Variants in ECSIT observed in about 807,000 individuals in gnomAD.
ECSIT encodes ECSIT signaling integrator, also known as evolutionarily conserved signaling intermediate in Toll pathway, mitochondrial.
ECSIT carries 29 observed loss-of-function variants against 36.8 expected under a neutral mutation model. The ratio of observed to expected loss-of-function variants is 0.79; its 90% CI spans 0.59 to 1.08. The LOEUF is 1.08. Ranked by LOEUF, ECSIT falls within the 50% of genes least tolerant of loss-of-function variation. The pLI, the probability that ECSIT is intolerant of heterozygous loss-of-function variation, is 0.00. For synonymous variants in ECSIT, 231 were observed against 234.8 expected (o/e 0.98, Z 0.15); for missense variants, 542 against 581.0 (o/e 0.93, Z 0.69).
Position 11,506,065 on chromosome 19 carries a change from G to A in ECSIT, c.*119C>T, listed in dbSNP as rs1439781552. ...GGGGAGGGGATGCCATACTGCTAGA[G>A]ATGAGGGAAGAGAGCCCCAAGCAGG... On this transcript the variant is annotated 3_prime_UTR_variant, in exon 8 of 8. Transcript: ENST00000270517. The A allele has an allele frequency of 3.4e-6, 5 of 1,480,558 alleles. No homozygotes were observed. Among genetic ancestry groups the A allele is most frequent in the Non-Finnish European group, 4.5e-6 (5 of 1,102,420 alleles). 91.7% of individuals were successfully genotyped at this position (1,480,558 alleles called of 1,614,324 possible).
intron 1 of ECSIT, among the ~76,000 whole-genome samples, chr19:11,521,611 A>G (rs1972105678): frequency 6.6e-6 from 1 of 151,990 alleles, no homozygotes; most frequent in Non-Finnish European, 1.5e-5. Context: ...CTACTAAAAA[A>G]ACAAAAAAAC....
At position 11,513,178 on chromosome 19, in the gene ECSIT, G is replaced by C. The variant is rs376044463; in HGVS notation, c.616C>G (p.Arg206Gly). ...KLVRLKLWFP[R>G]FMNVNPFPVP... The stretch of plus-strand genomic sequence containing the variant: ...GGGAAGGGGTTGACGTTCATGAATC[G>C]AGGGAACCACAGCTTCAGGCGCACC... Residue 206 changes from arginine (R) to glycine (G), a missense_variant, in exon 4 of 8, where the codon CGA becomes GGA. Coordinates refer to ENST00000270517, the MANE Select transcript of ECSIT (RefSeq NM_016581.5). 10 of 1,614,044 alleles carry C rather than the reference G, an allele frequency of 6.2e-6. No individual in the cohort carries two copies. The highest frequency in any genetic ancestry group is 7.6e-6 in the Non-Finnish European group (9 of 1,180,040).
intron 1 of ECSIT, chr19:11,522,057 G>A: frequency 3.1e-6 from 1 of 323,198 alleles, no homozygotes; most frequent in South Asian, 2.8e-5. Context: ...TCTACCACAT[G>A]CGAATCTTTG....
At position 11,508,170 on chromosome 19, in the gene ECSIT, G is replaced by A. The variant is rs59485500; in HGVS notation, c.739-122C>T. 9,180 of 1,206,196 alleles carry A rather than the reference G, an allele frequency of 7.6e-3. 497 individuals carry two copies. In the African/African-American group the frequency reaches 0.12, roughly 16 times the overall value. The allele number at this position is 1,206,196 out of a possible 1,614,324, so 74.7% of individuals were successfully genotyped here. A position where few individuals can be genotyped will look rare whatever the true frequency, so the allele number is the denominator to read the frequency against. ...GACACCTCTCCTGGATCTGGTACAC[G>A]GCCCTCCAACCTGTCCCCTCCTCCC... On this transcript the variant is annotated intron_variant, in intron 4 of 7. Coordinates refer to ENST00000270517, the MANE Select transcript of ECSIT (RefSeq NM_016581.5).
chr19:11,519,125 C>T lies in ECSIT; in HGVS notation c.46G>A (p.Ala16Thr). 1.3e-6 allele frequency: 2 copies of T among 1,551,062 alleles called. No homozygotes were observed. The highest frequency in any genetic ancestry group is 2.4e-5 in the South Asian group (2 of 84,028). Residue 16 changes from alanine to threonine, a missense_variant, in exon 2 of 8, where the codon GCC (alanine) becomes ACC (threonine). By Grantham distance (58) the Ala-to-Thr change is moderately conservative. Coordinates refer to ENST00000270517, the MANE Select transcript of ECSIT (RefSeq NM_016581.5). The surrounding 1 kb of genome is among the most constrained non-coding windows in gnomAD (Gnocchi z 4.4). ...ATLLARGLCR[A>T]WGGTCGAALT... is the part of the protein sequence containing the mutation. ...GCGGCCCCGCAGGTGCCTCCCCAGG[C>T]CCTACAGAGGCCTCGGGCCAGTAGG...
chr19:11,526,848 T>A (rs1444506542), intron 1 of ECSIT, among the ~76,000 whole-genome samples: 3 of 151,522 alleles, frequency 2.0e-5, no homozygotes, highest in Non-Finnish European at 4.4e-5. Flanking sequence ...GCCTCCCGAG[T>A]AGCTGGGACT....
At chr19:11,521,256 T>C (rs1056351075) in intron 1 of ECSIT, among the ~76,000 whole-genome samples, 8 of 152,200 alleles carry the variant, frequency 5.3e-5, no homozygotes, top group African/African-American at 1.7e-4. Flanking sequence ...AAGTTTTATG[T>C]GAACACATGT....
rs1362025351 is a variant in ECSIT, at chr19:11,522,481, C to T, written c.-23-3288G>A. 3 of 1,315,812 alleles carry T rather than the reference C, an allele frequency of 2.3e-6. No homozygotes were observed. The African/African-American group carries it at 4.4e-5, about 19-fold the overall frequency. The allele number at this position is 1,315,812 out of a possible 1,614,324, so 81.5% of individuals were successfully genotyped here. A position where few individuals can be genotyped will look rare whatever the true frequency, so the allele number is the denominator to read the frequency against. On this transcript the variant is annotated intron_variant, in intron 1 of 7. Coordinates refer to ENST00000270517, the MANE Select transcript of ECSIT (RefSeq NM_016581.5). ...CAAGCCACGCTTCACCACCAAAAGG[C>T]CCAACACCTTCTTCTAGGGGTAGGG...
intron 1 of ECSIT, among the ~76,000 whole-genome samples, chr19:11,524,289 C>T (rs1448295738): frequency 1.3e-5 from 2 of 151,794 alleles, no homozygotes; most frequent in Middle Eastern, 3.2e-3. Context: ...TTTGGGAGGC[C>T]GAGGTGGGCA....
chr19:11,515,673 T>C (rs1971984614), intron 2 of ECSIT, among the ~76,000 whole-genome samples: 2 of 151,856 alleles, frequency 1.3e-5, no homozygotes, highest in Admixed American at 6.6e-5. Context: ...CTCGCTCTGT[T>C]GCCAGGCTGG....
At position 11,507,545 on chromosome 19, in the gene ECSIT, C is replaced by A. The variant is rs560236685; in HGVS notation, c.963G>T (p.Pro321=). Residue 321 remains proline (P), a synonymous_variant, in exon 7 of 8, where the codon CCG becomes CCT. Coordinates refer to ENST00000270517, the MANE Select transcript of ECSIT (RefSeq NM_016581.5). The part of the protein sequence containing the change: ...PPEEREVEET[P]EEWNLYYPMQ... Reference sequence around the variant, plus strand: ...TCGGGTAGTAGAGGTTCCACTCCTCCGGCGTCTCTTCCACTTCCTACTCCA... The same window carrying A: ...TCGGGTAGTAGAGGTTCCACTCCTCAGGCGTCTCTTCCACTTCCTACTCCA... 6.2e-7 allele frequency: 1 copy of A among 1,614,098 alleles called. No individual in the cohort carries two copies. The highest frequency in any genetic ancestry group is 1.1e-5 in the South Asian group (1 of 91,082).
At chr19:11,524,102 T>A (rs1972163159) in intron 1 of ECSIT, among the ~76,000 whole-genome samples, 1 of 152,028 alleles carries the variant, frequency 6.6e-6, no homozygotes, top group Middle Eastern at 3.2e-3. Flanking sequence ...ACAATTTTTA[T>A]AGAGGCTGGG....
intron 2 of ECSIT, among the ~76,000 whole-genome samples, chr19:11,516,768 A>C (rs1485031691): frequency 6.6e-6 from 1 of 152,078 alleles, no homozygotes; most frequent in Non-Finnish European, 1.5e-5. Context: ...CTGTAATCCT[A>C]GCACTTTGGG....
Position 11,506,382 on chromosome 19 carries a change from G to C in ECSIT, c.1098C>G (p.Asp366Glu), listed in dbSNP as rs750245223. Residue 366 changes from aspartate to glutamate, a missense_variant, in exon 8 of 8, where the codon GAC becomes GAG. Coordinates refer to ENST00000270517, the MANE Select transcript of ECSIT (RefSeq NM_016581.5). Reference protein sequence around the residue: ...VFAMCMAGAHDQATMAKWIQG... With the variant: ...VFAMCMAGAHEQATMAKWIQG... ...GGATCCACTTAGCCATCGTCGCCTGGTCATGAGCACCCGCCATGCACATGG... is the reference window on the plus strand; with the variant it reads ...GGATCCACTTAGCCATCGTCGCCTGCTCATGAGCACCCGCCATGCACATGG... 6.2e-7 allele frequency: 1 copy of C among 1,613,658 alleles called. No individual in the cohort carries two copies. Among genetic ancestry groups the C allele is most frequent in the Non-Finnish European group, 8.5e-7 (1 of 1,179,910 alleles).
intron 1 of ECSIT, among the ~76,000 whole-genome samples, chr19:11,526,121 T>G (rs1293927180): frequency 6.6e-6 from 1 of 151,986 alleles, no homozygotes; most frequent in Non-Finnish European, 1.5e-5. Context: ...CATGCCACCA[T>G]GCCTGGCTAA....
At position 11,513,893 on chromosome 19, in the gene ECSIT, C is replaced by G. The variant is rs202196502; in HGVS notation, c.425G>C (p.Arg142Pro). ...GATGCGCTGGATGATGTTGCGAGGC[C>G]GGAAGACCTCCTTGGGGAAGATGTT... ...LLNIFPKEVF[R>P]PRNIIQRIFV... is the part of the protein sequence containing the mutation. Residue 142 changes from arginine (R) to proline (P), a missense_variant, in exon 3 of 8, where the codon CGG (arginine) becomes CCG (proline). Transcript: ENST00000270517. 3.1e-6 allele frequency: 5 copies of G among 1,614,046 alleles called. No individual in the cohort carries two copies. Among genetic ancestry groups the G allele is most frequent in the Non-Finnish European group, 4.2e-6 (5 of 1,180,042 alleles).
At chr19:11,520,510 T>G (rs74546632) in intron 1 of ECSIT, among the ~76,000 whole-genome samples, 7 of 151,294 alleles carry the variant, frequency 4.6e-5, no homozygotes, top group African/African-American at 1.7e-4. Context: ...AGATTTTTTT[T>G]TAATTTTTAT....
At chr19:11,508,383 A>ATTTTTTTTTTTTT (rs34929827) in intron 4 of ECSIT, among the ~76,000 whole-genome samples, 3,535 of 123,768 alleles carry the variant, frequency 0.029, 292 homozygotes, top group African/African-American at 0.06. Flanking sequence ...CTTAATTCCG[A>ATTTTTTTTTTTTT]TTTTTTTTTT....
At chr19:11,525,140 A>C (rs1425417789) in intron 1 of ECSIT, among the ~76,000 whole-genome samples, 2 of 152,108 alleles carry the variant, frequency 1.3e-5, no homozygotes, top group East Asian at 3.8e-4. Flanking sequence ...TCATCTCAAA[A>C]AAAATAAATA....
Sources: allele counts gnomAD v4.1 joint callset (sites outside exome capture counted in the v4.1 genomes callset), GRCh38; gene constraint gnomAD v4.1.1; non-coding constraint Gnocchi (gnomAD v3.1); transcripts MANE v1.5; gene names NCBI Gene and HGNC (gene_info 2026-07-23, HGNC 2026-07-21).